The following BSG variants were observed in gnomAD, a reference collection of about 807,000 sequenced individuals.
The protein encoded by BSG is basigin (Ok blood group), also known as basigin.
A neutral mutation model predicts 43.1 loss-of-function variants in BSG; 37 were observed. The observed-to-expected ratio is 0.86, with a 90% CI of 0.66 to 1.13. BSG has a LOEUF of 1.13. Among genes scored for constraint, BSG ranks in the 50% most tolerant of loss-of-function variants. The probability of loss-of-function intolerance (pLI) is 0.00; values close to 1 mark genes in which losing one functional copy is unlikely to be tolerated. For missense variants in BSG, 599 were observed against 554.2 expected, an observed-to-expected ratio of 1.08 and a Z score of -0.81; for synonymous variants, 309 against 238.7, an observed-to-expected ratio of 1.29 and a Z score of -2.72.
intron 6 of BSG, among the ~76,000 whole-genome samples, chr19:581,857 C>T (rs928290349): frequency 2.0e-5 from 3 of 152,386 alleles, no homozygotes; most frequent in African/African-American, 7.2e-5. Context: ...GCTCACTTGG[C>T]TGCAAGCCAG....
chr19:575,581 C>A (rs1981693392), intron 1 of BSG, among the ~76,000 whole-genome samples: 1 of 116,908 alleles, frequency 8.6e-6, no homozygotes, highest in South Asian at 3.2e-4. Context: ...GCTGTTCTCG[C>A]TGGCTGCTGT....
In BSG at chr19:582,570, C is replaced by T. The variant is rs769300510; in HGVS notation, c.1151C>T (p.Ser384Phe). 2.1e-6 allele frequency: 3 copies of T among 1,403,394 alleles called. No homozygotes were observed. Among genetic ancestry groups the T allele is most frequent in the African/African-American group, 3.0e-5 (2 of 65,714 alleles). The allele number at this position is 1,403,394 out of a possible 1,614,324, so 86.9% of individuals were successfully genotyped here. The part of the protein sequence containing the change: ...DKGKNVRQRN[S>F]S ...GGCAAGAACGTCCGCCAGAGGAACT[C>T]TTCCTGAGGCAGGTGCGGTGGGCGG... is the stretch of plus-strand genomic sequence containing the variant. The change falls in exon 8 of 9, where the codon TCT (serine) becomes TTT (phenylalanine). Residue 384 changes from serine (S) to phenylalanine (F), a missense_variant. Transcript: ENST00000333511.
chr19:579,729 C>A, intron 3 of BSG, 73 bp downstream of exon 3: 1 of 1,537,250 alleles, frequency 6.5e-7, no homozygotes, highest in Admixed American at 2.0e-5. Context: ...GCCTGTGGTC[C>A]GTGAGAACAA....
At chr19:573,803 TAGG>T (rs941200960) in intron 1 of BSG, among the ~76,000 whole-genome samples, 1 of 152,150 alleles carries the variant, frequency 6.6e-6, no homozygotes, top group African/African-American at 2.4e-5. Context: ...AGTGCTGTCT[TAGG>T]AGGGCCGTGT....
chr19:581,886 G>A (rs544240790), intron 6 of BSG, among the ~76,000 whole-genome samples: 48 of 152,384 alleles, frequency 3.1e-4, no homozygotes, highest in African/African-American at 1.1e-3. Flanking sequence ...GTGGTGAGCC[G>A]GCCCTTGCTG....
In BSG at chr19:576,765, AGAAGAG is replaced by A. The variant is rs1225521373; in HGVS notation, c.68-1006_68-1001del. ...CTCTGTCTCAAAAAAAAAAAAAAGA[AGAAGAG>A]GAGAAAGAAAATGGCGCTGCCAAAA... On this transcript the variant is annotated intron_variant, in intron 1 of 8. Coordinates refer to ENST00000333511, the MANE Select transcript of BSG (RefSeq NM_001728.4). 1.1e-3 allele frequency among the ~76,000 whole-genome samples: 162 copies of A among 146,280 alleles called. 1 individual carries two copies. Among genetic ancestry groups the A allele is most frequent in the Middle Eastern group, 3.6e-3 (1 of 280 alleles).
At chr19:571,493 G>T, upstream of BSG, 1 of 778,364 alleles carries the variant, frequency 1.3e-6, no homozygotes, top group Non-Finnish European at 2.4e-6. Flanking sequence ...CTGAGAGTCT[G>T]GGTTTACGCG....
At chr19:579,727 T>C in intron 3 of BSG, 71 bp downstream of exon 3, 2 of 1,539,526 alleles carry the variant, frequency 1.3e-6, no homozygotes, top group Non-Finnish European at 1.7e-6. Context: ...CGGCCTGTGG[T>C]CCGTGAGAAC....
At chr19:579,157 T>A (rs28921990) in intron 2 of BSG, 1 of 483,718 alleles carries the variant, frequency 2.1e-6, no homozygotes, top group Non-Finnish European at 4.1e-6. Context: ...CCCCACACCC[T>A]GGTCCCAGCC....
chr19:573,172 C>G (rs1051832101), intron 1 of BSG, among the ~76,000 whole-genome samples: 3 of 152,140 alleles, frequency 2.0e-5, no homozygotes, highest in African/African-American at 7.2e-5. Flanking sequence ...GGTGAGCGTC[C>G]CCTTTGGCCT....
rs1982206973 is a variant in BSG, at chr19:580,632, C to A, written c.656-14C>A. On this transcript the variant is annotated splice_polypyrimidine_tract_variant and intron_variant, in intron 4 of 8. Transcript: ENST00000333511. ...CCTGCGGTTCCAGGCTCCTCTCTCT[C>A]ACCCTCCTGTCAGGGCCTCCCAGAG... 6.2e-7 allele frequency: 1 copy of A among 1,612,586 alleles called. No individual in the cohort carries two copies. The highest frequency in any genetic ancestry group is 1.1e-5 in the South Asian group (1 of 91,090).
intron 3 of BSG, chr19:579,881 C>A: frequency 1.6e-6 from 1 of 640,846 alleles, no homozygotes; most frequent in Non-Finnish European, 2.6e-6. Flanking sequence ...GTCCCCATTG[C>A]TTGCTCCTCA....
intron 1 of BSG, among the ~76,000 whole-genome samples, chr19:573,773 C>G (rs1478629451): frequency 2.0e-5 from 3 of 152,198 alleles, no homozygotes; most frequent in Non-Finnish European, 4.4e-5. Context: ...TTAGCCGACT[C>G]TGACCCGCAT....
chr19:582,368 C>A, intron 7 of BSG, 38 bp downstream of exon 7: 1 of 1,593,422 alleles, frequency 6.3e-7, no homozygotes, highest in Non-Finnish European at 8.5e-7. Flanking sequence ...TCCCAAGGAG[C>A]GGCCTGCTGC....
Position 582,429 on chromosome 19 carries a change from G to T in BSG, c.1095-85G>T, listed in dbSNP as rs527567567. Reference sequence around the variant, plus strand: ...GAGCCCCTGGGCTTCAGTATTCGGGGGTCCTGGGGGCCGGGGTGGGCAGGG... The same window carrying T: ...GAGCCCCTGGGCTTCAGTATTCGGGTGTCCTGGGGGCCGGGGTGGGCAGGG... On this transcript the variant is annotated intron_variant, in intron 7 of 8. Transcript: ENST00000333511. The T allele has an allele frequency of 1.0e-5, 16 of 1,601,654 alleles. No individual in the cohort carries two copies. The Admixed American group carries it at 1.7e-4, about 17-fold the overall frequency.
rs772237058 is a variant in BSG at position 572,645 on chromosome 19, C to T, written c.11C>T (p.Ala4Val). 1.1e-5 allele frequency: 17 copies of T among 1,504,556 alleles called. No homozygotes were observed. The highest frequency in any genetic ancestry group is 5.7e-5 in the East Asian group (2 of 35,170). The allele number at this position is 1,504,556 out of a possible 1,614,324, so 93.2% of individuals were successfully genotyped here. A position where few individuals can be genotyped will look rare whatever the true frequency, so the allele number is the denominator to read the frequency against. Residue 4 changes from alanine to valine, a missense_variant, in exon 1 of 9, where the codon GCG becomes GTG. Coordinates refer to ENST00000333511, the MANE Select transcript of BSG (RefSeq NM_001728.4). ...CGAGGAATAGGAATCATGGCGGCTG[C>T]GCTGTTCGTGCTGCTGGGATTCGCG... Reference protein sequence around the residue: MAAALFVLLGFALL... With the variant: MAAVLFVLLGFALL...
chr19:573,833 C>A (rs1423995824), intron 1 of BSG, among the ~76,000 whole-genome samples: 2 of 152,148 alleles, frequency 1.3e-5, no homozygotes, highest in Non-Finnish European at 2.9e-5. Context: ...GGTGGGCAAA[C>A]GTGGTTTGGA....
intron 2 of BSG, chr19:578,984 C>T (rs1480098608): frequency 4.4e-6 from 2 of 452,544 alleles, no homozygotes; most frequent in Admixed American, 2.4e-5. Context: ...CCCGCCTTGG[C>T]CTCCCAAAGT....
upstream of BSG, chr19:571,681 A>C (rs1009275712): frequency 2.7e-5 from 20 of 743,650 alleles, no homozygotes; most frequent in Non-Finnish European, 5.0e-5. Context: ...AAAATTTCTC[A>C]GCGAGACCAC....
Sources: allele counts gnomAD v4.1 joint callset (sites outside exome capture counted in the v4.1 genomes callset), GRCh38; gene constraint gnomAD v4.1.1; transcripts MANE v1.5; gene names NCBI Gene and HGNC (gene_info 2026-07-23, HGNC 2026-07-21).